PRKDC: variants seen among roughly 807,000 people sequenced by gnomAD.
PRKDC encodes protein kinase, DNA-activated, catalytic subunit.
A neutral mutation model predicts 486.9 loss-of-function variants in PRKDC; 82 were observed. That is an observed-to-expected ratio of 0.17 (90% CI 0.14 to 0.20). The LOEUF is 0.20. Ranked by LOEUF, PRKDC falls within the 10% of genes least tolerant of loss-of-function variation. The probability of loss-of-function intolerance (pLI) is 1.00; values close to 1 mark genes in which losing one functional copy is unlikely to be tolerated. For synonymous variants in PRKDC, 1,895 were observed against 1,837.0 expected (o/e 1.03, Z -0.81); for missense variants, 4,504 against 5,038.2 (o/e 0.89, Z 3.21).
rs779513205 is a variant in PRKDC at position 47,857,239 on chromosome 8, T to C, written c.6526A>G (p.Asn2176Asp). The C allele has an allele frequency of 2.5e-6, 4 of 1,614,042 alleles. No individual in the cohort carries two copies. In the South Asian group the frequency reaches 4.4e-5, roughly 18 times the overall value. The change falls in exon 49 of 86, where the codon AAC (asparagine) becomes GAC (aspartate). Residue 2176 changes from asparagine to aspartate, a missense_variant. Transcript: ENST00000314191. Reference sequence around the variant, plus strand: ...TAGTGAATTCCTTCTCCTCCATTGTTTTCAGAAGCAGCCAGCTGCAGCAAG... The same window carrying C: ...TAGTGAATTCCTTCTCCTCCATTGTCTTCAGAAGCAGCCAGCTGCAGCAAG... ...SPLLQLAASE[N>D]NGGEGIHYMV...
In PRKDC at chr8:47,886,059, G is replaced by C; in HGVS notation, c.4661C>G (p.Ser1554Cys). Residue 1554 changes from serine to cysteine, a missense_variant, in exon 36 of 86, where the codon TCC becomes TGC. Coordinates refer to ENST00000314191, the MANE Select transcript of PRKDC (RefSeq NM_006904.7). ...CAAGCTATAGAAATACTCCCCATGG[G>C]AGAAGTGGATGACGCTGCCCTGTGA... is the stretch of plus-strand genomic sequence containing the variant. ...GSSQGSVIHFSHGEYFYSLFS... is the reference protein window; with the variant it reads ...GSSQGSVIHFCHGEYFYSLFS... 6.2e-7 allele frequency: 1 copy of C among 1,613,756 alleles called. No homozygotes were observed. Among genetic ancestry groups the C allele is most frequent in the Non-Finnish European group, 8.5e-7 (1 of 1,179,892 alleles).
chr8:47,852,387 T>C (rs1399515099), intron 52 of PRKDC, among the ~76,000 whole-genome samples: 2 of 152,306 alleles, frequency 1.3e-5, no homozygotes, highest in African/African-American at 2.4e-5. Context: ...AAGTTCATAG[T>C]AATAAAAGCT....
intron 77 of PRKDC, chr8:47,784,039 A>G (rs1380585867): frequency 4.1e-6 from 2 of 490,756 alleles, no homozygotes; most frequent in African/African-American, 3.9e-5. Flanking sequence ...CGAGCAGATC[A>G]TGAGGTCAGG....
intron 40 of PRKDC, among the ~76,000 whole-genome samples, chr8:47,872,017 C>T (rs986245801): frequency 1.3e-5 from 2 of 152,098 alleles, no homozygotes; most frequent in South Asian, 2.1e-4. Flanking sequence ...GGTATGTAAA[C>T]TACTTATATT....
At chr8:47,958,759 G>A (rs1193219707) in intron 1 of PRKDC, among the ~76,000 whole-genome samples, 3 of 146,902 alleles carry the variant, frequency 2.0e-5, no homozygotes, top group Non-Finnish European at 3.0e-5. Flanking sequence ...TTTTTGGGAC[G>A]GAGTCGTGCT....
At position 47,857,143 on chromosome 8, in the gene PRKDC, C is replaced by A. The variant is rs1023753424; in HGVS notation, c.6609+13G>T. On this transcript the variant is annotated intron_variant, in intron 49 of 85. Coordinates refer to ENST00000314191, the MANE Select transcript of PRKDC (RefSeq NM_006904.7). The stretch of plus-strand genomic sequence containing the variant: ...GGATAATATATTAACATAAAAGATG[C>A]ATCAATCCTTACTGTTGGAGTGGCC... The A allele has an allele frequency of 1.9e-6, 3 of 1,610,922 alleles. No homozygotes were observed. Among genetic ancestry groups the A allele is most frequent in the Non-Finnish European group, 2.5e-6 (3 of 1,178,672 alleles).
intron 41 of PRKDC, among the ~76,000 whole-genome samples, chr8:47,864,261 G>T (rs781298234): frequency 2.0e-5 from 3 of 152,164 alleles, no homozygotes; most frequent in Non-Finnish European, 4.4e-5. Flanking sequence ...AGGACCGCCA[G>T]GAACAGCTCT....
chr8:47,918,017 T>TAATTAATAATTAAAAATTA (rs2090014381), intron 22 of PRKDC, among the ~76,000 whole-genome samples: 1 of 152,142 alleles, frequency 6.6e-6, no homozygotes, highest in Non-Finnish European at 1.5e-5. Context: ...GCTAATTTTT[T>TAATTAATAATTAAAAATTA]GTATTTTTTA....
chr8:47,787,423 T>C (rs1316205283), intron 76 of PRKDC, among the ~76,000 whole-genome samples: 1 of 152,278 alleles, frequency 6.6e-6, no homozygotes, highest in Non-Finnish European at 1.5e-5. Flanking sequence ...AGCATCATCC[T>C]ATCTGAAAGA....
chr8:47,777,966 T>C, intron 83 of PRKDC, 92 bp from the exon 84 acceptor site: 1 of 1,168,302 alleles, frequency 8.6e-7, no homozygotes. Context: ...TAGTTACTGT[T>C]CACATTTAGT....
In PRKDC at chr8:47,939,575, G is replaced by C. The variant is rs772261211; in HGVS notation, c.1089C>G (p.Ile363Met). 3 of 1,613,488 alleles carry C rather than the reference G, an allele frequency of 1.9e-6. No individual in the cohort carries two copies. The highest frequency in any genetic ancestry group is 2.5e-6 in the Non-Finnish European group (3 of 1,179,626). ...CTCCTGCAAAAAGTCCATATCCACG[G>C]ATAGCAATAGATAACTCCTTGTTGT... ...DSNNKELSIA[I>M]RGYGLFAGPC... The change falls in exon 11 of 86, where the codon ATC becomes ATG. Residue 363 changes from isoleucine (I) to methionine (M), a missense_variant. Ile to Met is a conservative substitution (Grantham distance 10, BLOSUM62 1). Coordinates refer to ENST00000314191, the MANE Select transcript of PRKDC (RefSeq NM_006904.7).
intron 42 of PRKDC, among the ~76,000 whole-genome samples, chr8:47,862,843 G>C (rs940998683): frequency 5.3e-5 from 8 of 152,198 alleles, no homozygotes; most frequent in Non-Finnish European, 2.9e-5. Context: ...TGACTGAACG[G>C]TGACATCATT....
intron 44 of PRKDC, 111 bp downstream of exon 44, chr8:47,861,951 A>T: frequency 1.2e-6 from 1 of 804,000 alleles, no homozygotes; most frequent in Non-Finnish European, 2.0e-6. Context: ...TGAAACCACC[A>T]GTTTTTGTTG....
intron 74 of PRKDC, among the ~76,000 whole-genome samples, chr8:47,792,286 T>C (rs1322612036): frequency 6.9e-6 from 1 of 144,740 alleles, no homozygotes. Context: ...TGAGACAGAG[T>C]TTTGCTCTGT....
At chr8:47,858,288 A>G (rs2088591885) in intron 48 of PRKDC, among the ~76,000 whole-genome samples, 1 of 152,006 alleles carries the variant, frequency 6.6e-6, no homozygotes. Flanking sequence ...AACTCACGAG[A>G]GGTGAATTTA....
In PRKDC at chr8:47,831,875, T is replaced by G. The variant is rs1220832643; in HGVS notation, c.8204A>C (p.Asp2735Ala). Residue 2735 changes from aspartate (D) to alanine (A), a missense_variant, in exon 60 of 86, where the codon GAC (aspartate) becomes GCC (alanine). Transcript: ENST00000314191. ...LLRLRRRFMR[D>A]QEKLSLMYAR... ...ATACATCAAACTGAGCTTCTCCTGG[T>G]CCCTCATAAACCGTCTGCGCAGTCG... 1.9e-6 allele frequency: 3 copies of G among 1,614,000 alleles called. No individual in the cohort carries two copies. Among genetic ancestry groups the G allele is most frequent in the East Asian group, 2.2e-5 (1 of 44,882 alleles).
Position 47,859,497 on chromosome 8 carries a change from G to A in PRKDC, c.6207+114C>T, listed in dbSNP as rs139777615. Reference sequence around the variant, plus strand: ...ATTCTCCAAATTAACTCTATACTCCGAGGGTTGTCAATGGACAGAGAACTG... The same window carrying A: ...ATTCTCCAAATTAACTCTATACTCCAAGGGTTGTCAATGGACAGAGAACTG... On this transcript the variant is annotated intron_variant, in intron 46 of 85. Coordinates refer to ENST00000314191, the MANE Select transcript of PRKDC (RefSeq NM_006904.7). The A allele has an allele frequency of 2.4e-4, 295 of 1,230,488 alleles. No individual in the cohort carries two copies. The African/African-American group carries it at 3.2e-3, about 13-fold the overall frequency. 76.2% of individuals were successfully genotyped at this position (1,230,488 alleles called of 1,614,324 possible). A position where few individuals can be genotyped will look rare whatever the true frequency, so the allele number is the denominator to read the frequency against.
intron 38 of PRKDC, among the ~76,000 whole-genome samples, 168 bp from the exon 39 acceptor site, chr8:47,879,826 T>A (rs2089171288): frequency 6.7e-6 from 1 of 149,610 alleles, no homozygotes; most frequent in South Asian, 2.1e-4. Flanking sequence ...TACAATTCTA[T>A]ACCTCAGCTT....
Position 47,862,455 on chromosome 8 carries a change from T to C in PRKDC, c.5837A>G (p.Asn1946Ser), listed in dbSNP as rs55835956. 3.2e-4 allele frequency: 520 copies of C among 1,613,952 alleles called. 3 individuals carry two copies. The African/African-American group carries it at 4.1e-3, about 13-fold the overall frequency. The change falls in exon 43 of 86, where the codon AAC (asparagine) becomes AGC (serine). Residue 1946 changes from asparagine (N) to serine (S), a missense_variant. This residue lies in a region of PRKDC where 80 missense variants were observed against 132.3 expected (regional missense o/e 0.60). Transcript: ENST00000314191. ...RRRLYHCAAY[N>S]CAISVICCVF... ...ACAGCAGATGACAGATATGGCGCAG[T>C]TGTATGCTGCACAATGGTAAAGTCT...
Sources: allele counts gnomAD v4.1 joint callset (sites outside exome capture counted in the v4.1 genomes callset), GRCh38; gene constraint gnomAD v4.1.1; regional missense constraint gnomAD v4.1.1; transcripts MANE v1.5; gene names NCBI Gene and HGNC (gene_info 2026-07-23, HGNC 2026-07-21).